The following DCC variants were observed in gnomAD, a reference collection of about 807,000 sequenced individuals.
DCC encodes the protein netrin receptor DCC.
DCC carries 58 observed loss-of-function variants against 172.5 expected under a neutral mutation model. The ratio of observed to expected loss-of-function variants is 0.34; its 90% CI spans 0.27 to 0.42. DCC has a LOEUF of 0.42. Ranked by LOEUF, DCC falls within the 10% of genes least tolerant of loss-of-function variation. The pLI, the probability that DCC is intolerant of heterozygous loss-of-function variation, is 1.00. For missense variants in DCC, 1,740 were observed against 1,791.0 expected (o/e 0.97, Z 0.51); for synonymous variants, 709 against 644.5 (o/e 1.10, Z -1.52).
At chr18:53,519,869 T>A (rs2046380839) in intron 27 of DCC, among the ~76,000 whole-genome samples, 1 of 152,164 alleles carries the variant, frequency 6.6e-6, no homozygotes, top group Non-Finnish European at 1.5e-5. Flanking sequence ...AGCATTTTGA[T>A]ATCCCAAAGT....
At chr18:52,394,624 A>G (rs1345260991) in intron 1 of DCC, among the ~76,000 whole-genome samples, 1 of 152,016 alleles carries the variant, frequency 6.6e-6, no homozygotes, top group Non-Finnish European at 1.5e-5. Flanking sequence ...TTTTAAAAGC[A>G]TAAGTCAGTG....
At chr18:53,068,696 T>C (rs774768419) in intron 7 of DCC, among the ~76,000 whole-genome samples, 14 of 151,654 alleles carry the variant, frequency 9.2e-5, no homozygotes, top group Admixed American at 7.9e-4. Flanking sequence ...CTAGAATTCA[T>C]AGGATGAGAG....
chr18:53,520,668 C>A (rs968598471), intron 27 of DCC, among the ~76,000 whole-genome samples: 17 of 152,054 alleles, frequency 1.1e-4, no homozygotes, highest in Admixed American at 7.2e-4. Flanking sequence ...AATCTACACA[C>A]AAAAAAATAC....
At chr18:52,914,213 T>C (rs1400003381) in intron 3 of DCC, among the ~76,000 whole-genome samples, 1 of 127,286 alleles carries the variant, frequency 7.9e-6, no homozygotes, top group African/African-American at 2.8e-5. Flanking sequence ...AAAAAAAAAA[T>C]CTAAAAATAA....
chr18:52,897,948 T>C (rs1001083387), intron 2 of DCC, among the ~76,000 whole-genome samples: 1 of 152,242 alleles, frequency 6.6e-6, no homozygotes, highest in African/African-American at 2.4e-5. Context: ...GCATATCTTT[T>C]ATTGGCCTTC....
At chr18:53,466,509 A>G (rs2045622777) in intron 24 of DCC, among the ~76,000 whole-genome samples, 1 of 152,094 alleles carries the variant, frequency 6.6e-6, no homozygotes, top group Non-Finnish European at 1.5e-5. Context: ...CTGAAGGAGT[A>G]ATATTTGCAT....
intron 7 of DCC, among the ~76,000 whole-genome samples, chr18:53,107,477 CT>C (rs1231802156): frequency 7.0e-6 from 1 of 142,526 alleles, no homozygotes; most frequent in Non-Finnish European, 1.5e-5. Context: ...AGAATTGTGT[CT>C]GATGCTCTCT....
Position 53,226,948 on chromosome 18 carries a change from A to ATATATATATATATTTTTTTTTTTTTTT in DCC, c.1911+11352_1911+11353insATATATATATATTTTTTTTTTTTTTTT. 2.1e-3 allele frequency among the ~76,000 whole-genome samples: 110 copies of ATATATATATATATTTTTTTTTTTTTTT among 52,888 alleles called. 3 individuals are homozygous for ATATATATATATATTTTTTTTTTTTTTT. Among genetic ancestry groups the ATATATATATATATTTTTTTTTTTTTTT allele is most frequent in the Non-Finnish European group, 3.9e-3 (97 of 24,816 alleles). The allele number at this position is 52,888 out of a possible 152,430, so 34.7% of individuals were successfully genotyped here. Reference sequence around the variant, plus strand: ...TGTGTGTGTGTGTATATATATATATATTTTTTTTTTTTTTTTTTTGAGGCA... The same window carrying ATATATATATATATTTTTTTTTTTTTTT: ...TGTGTGTGTGTGTATATATATATATATATATATATATATTTTTTTTTTTTTTTTTTTTTTTTTTTTTTTTTTGAGGCA... On this transcript the variant is annotated intron_variant, in intron 12 of 28. Transcript: ENST00000442544.
intron 1 of DCC, among the ~76,000 whole-genome samples, chr18:52,541,550 G>T (rs2032446614): frequency 6.6e-6 from 1 of 152,044 alleles, no homozygotes; most frequent in Non-Finnish European, 1.5e-5. Flanking sequence ...CTTATTCTTA[G>T]AACTGGAGTA....
intron 27 of DCC, 108 bp from the exon 28 acceptor site, chr18:53,526,509 C>A: frequency 2.6e-6 from 3 of 1,165,564 alleles, no homozygotes; most frequent in Non-Finnish European, 3.9e-6. Context: ...ACAGAATGAG[C>A]AATAACCTAA....
intron 2 of DCC, among the ~76,000 whole-genome samples, chr18:52,784,722 T>C (rs2037619567): frequency 6.6e-6 from 1 of 152,042 alleles, no homozygotes; most frequent in African/African-American, 2.4e-5. Context: ...TTTTGAGAAA[T>C]GTCTATTCAG....
rs1219133294 is a variant in DCC, at chr18:53,087,258, C to G, written c.1261+21092C>G. 8.6e-5 allele frequency among the ~76,000 whole-genome samples: 13 copies of G among 151,842 alleles called. No homozygotes were observed. In the South Asian group the frequency reaches 2.7e-3, roughly 32 times the overall value. On this transcript the variant is annotated intron_variant, in intron 7 of 28. Coordinates refer to ENST00000442544, the MANE Select transcript of DCC (RefSeq NM_005215.4). ...TCCTATTTCTCCACATCCTCTCCAGCACCTGTTGTTTCCTGACTTTTTAAT... is the reference window on the plus strand; with the variant it reads ...TCCTATTTCTCCACATCCTCTCCAGGACCTGTTGTTTCCTGACTTTTTAAT...
chr18:52,501,845 G>A (rs953327050), intron 1 of DCC, among the ~76,000 whole-genome samples: 1 of 152,144 alleles, frequency 6.6e-6, no homozygotes, highest in East Asian at 1.9e-4. Flanking sequence ...CATCTACTAT[G>A]TGCCATTTGC....
At chr18:53,059,881 G>A (rs1007245737) in intron 5 of DCC, among the ~76,000 whole-genome samples, 1 of 152,116 alleles carries the variant, frequency 6.6e-6, no homozygotes, top group African/African-American at 2.4e-5. Context: ...TACTAAGGAT[G>A]AGGCATTGTA....
At chr18:53,436,679 C>T (rs1000617343) in intron 22 of DCC, among the ~76,000 whole-genome samples, 1 of 152,110 alleles carries the variant, frequency 6.6e-6, no homozygotes, top group African/African-American at 2.4e-5. Context: ...CCTGGCAATA[C>T]CTTCCTCTGT....
chr18:53,253,249 T>C (rs1032803248), intron 12 of DCC, among the ~76,000 whole-genome samples: 3 of 152,006 alleles, frequency 2.0e-5, no homozygotes, highest in African/African-American at 7.2e-5. Context: ...CCACCCCCTC[T>C]TCCTATACTA....
chr18:52,455,706 T>C (rs1349400374), intron 1 of DCC, among the ~76,000 whole-genome samples: 1 of 152,220 alleles, frequency 6.6e-6, no homozygotes, highest in Admixed American at 6.5e-5. Context: ...TATGTGCCAG[T>C]GTTTCCTCAA....
At chr18:52,638,520 G>A (rs577139726) in intron 1 of DCC, among the ~76,000 whole-genome samples, 3 of 152,082 alleles carry the variant, frequency 2.0e-5, no homozygotes, top group South Asian at 2.1e-4. Context: ...AACACCAAAA[G>A]CGAGCTATTT....
At chr18:52,427,823 CCTTCCTTCCTTTCTTCCT>C (rs1987484264) in intron 1 of DCC, among the ~76,000 whole-genome samples, 1 of 67,878 alleles carries the variant, frequency 1.5e-5, no homozygotes, top group African/African-American at 6.8e-5. Flanking sequence ...TTTCTTCCTT[CCTTCCTTCCTTTCTTCCT>C]TCCTTCCTTC....
Sources: allele counts gnomAD v4.1 joint callset (sites outside exome capture counted in the v4.1 genomes callset), GRCh38; gene constraint gnomAD v4.1.1; transcripts MANE v1.5; gene names NCBI Gene and HGNC (gene_info 2026-07-23, HGNC 2026-07-21).